Variants in ROBO2 observed in about 807,000 individuals in gnomAD.
ROBO2 encodes the protein roundabout guidance receptor 2.
A neutral mutation model predicts 160.8 loss-of-function variants in ROBO2; 53 were observed. That is an observed-to-expected ratio of 0.33 (90% CI 0.26 to 0.41). ROBO2 has a LOEUF of 0.41. Ranked by LOEUF, ROBO2 falls within the 10% of genes least tolerant of loss-of-function variation. The pLI is 1.00. For synonymous variants in ROBO2, 664 were observed against 611.7 expected, an observed-to-expected ratio of 1.09 and a Z score of -1.26; for missense variants, 1,577 against 1,722.4, an observed-to-expected ratio of 0.92 and a Z score of 1.49.
chr3:77,509,670 G>A (rs535492144), intron 5 of ROBO2, among the ~76,000 whole-genome samples: 16 of 152,028 alleles, frequency 1.1e-4, no homozygotes, highest in Non-Finnish European at 2.2e-4. Flanking sequence ...TGTCCCCAGT[G>A]TCTCCATTGT....
intron 2 of ROBO2, among the ~76,000 whole-genome samples, chr3:76,555,418 A>AAGAGG (rs879848225): frequency 2.5e-5 from 2 of 80,098 alleles, no homozygotes; most frequent in Non-Finnish European, 5.6e-5. Flanking sequence ...GAAGAAGAAG[A>AAGAGG]AAGAAGGAGA....
chr3:77,498,095 A>T (rs2087043214), intron 5 of ROBO2, among the ~76,000 whole-genome samples: 3 of 152,164 alleles, frequency 2.0e-5, no homozygotes, highest in Admixed American at 6.6e-5. Flanking sequence ...TTTCATTATT[A>T]GCAGTCTTTA....
At chr3:77,492,409 G>A (rs552234841) in intron 4 of ROBO2, among the ~76,000 whole-genome samples, 3 of 152,164 alleles carry the variant, frequency 2.0e-5, no homozygotes, top group South Asian at 2.1e-4. Flanking sequence ...GATTTTTATG[G>A]ATACAGACTT....
At chr3:76,183,057 AT>A (rs1367685696) in intron 2 of ROBO2, among the ~76,000 whole-genome samples, 2 of 152,248 alleles carry the variant, frequency 1.3e-5, no homozygotes, top group East Asian at 3.9e-4. Flanking sequence ...GCTTGATGGA[AT>A]TTAGCTGGCG....
At chr3:77,004,005 G>A (rs927380120) in intron 2 of ROBO2, among the ~76,000 whole-genome samples, 1 of 152,064 alleles carries the variant, frequency 6.6e-6, no homozygotes, top group South Asian at 2.1e-4. Flanking sequence ...CTTAAAACAT[G>A]TTTTTATACA....
At chr3:76,342,313 C>G (rs1576547654) in intron 2 of ROBO2, among the ~76,000 whole-genome samples, 2 of 152,216 alleles carry the variant, frequency 1.3e-5, no homozygotes, top group Non-Finnish European at 2.9e-5. Context: ...ACACGTGACT[C>G]TCAGGTGAGA....
chr3:76,067,562 G>GA (rs1282880259), intron 2 of ROBO2, among the ~76,000 whole-genome samples: 1 of 151,958 alleles, frequency 6.6e-6, no homozygotes, highest in Admixed American at 6.6e-5. Context: ...CAATTAAGTA[G>GA]AAAAGGAATC....
chr3:76,477,955 T>C (rs888674482), intron 2 of ROBO2, among the ~76,000 whole-genome samples: 4 of 152,046 alleles, frequency 2.6e-5, no homozygotes, highest in African/African-American at 9.7e-5. Context: ...CATTTCTCCA[T>C]TCAAAAAACT....
At chr3:76,427,660 T>A (rs1223575095) in intron 2 of ROBO2, among the ~76,000 whole-genome samples, 1 of 152,210 alleles carries the variant, frequency 6.6e-6, no homozygotes, top group African/African-American at 2.4e-5. Flanking sequence ...CAACTGATAG[T>A]TATTATTAAA....
At chr3:77,477,454 A>G (rs779401072) in exon 3 of ROBO2, 2 of 1,613,898 alleles carry the variant, frequency 1.2e-6, no homozygotes, top group Admixed American at 1.7e-5. Context: ...CAGATGTTGT[A>G]GTGGCAGCTG....
intron 2 of ROBO2, among the ~76,000 whole-genome samples, chr3:76,385,823 T>TG (rs2108596724): frequency 6.6e-6 from 1 of 152,246 alleles, no homozygotes; most frequent in African/African-American, 2.4e-5. Flanking sequence ...TTTAGTTCAT[T>TG]AACATATTTA....
At chr3:75,988,967 T>A (rs1049828811) in intron 2 of ROBO2, among the ~76,000 whole-genome samples, 3 of 152,216 alleles carry the variant, frequency 2.0e-5, no homozygotes, top group Non-Finnish European at 4.4e-5. Flanking sequence ...TTGAATTTTT[T>A]ATAAATCAAA....
At chr3:76,713,036 G>T (rs916839103) in intron 2 of ROBO2, among the ~76,000 whole-genome samples, 2 of 152,232 alleles carry the variant, frequency 1.3e-5, no homozygotes, top group Middle Eastern at 3.4e-3. Flanking sequence ...GTGCCATAAA[G>T]GCACTCAATA....
At chr3:76,929,819 T>C (rs2077224066) in intron 2 of ROBO2, among the ~76,000 whole-genome samples, 1 of 141,606 alleles carries the variant, frequency 7.1e-6, no homozygotes, top group Admixed American at 7.0e-5. Flanking sequence ...GACTCCAATG[T>C]CTGTGAATCT....
In ROBO2 at chr3:76,665,378, AT is replaced by A. The variant is rs369966952; in HGVS notation, c.110-432635del. On this transcript the variant is annotated intron_variant, in intron 2 of 26. Transcript: ENST00000487694. ...TAAGTTAAATAACTTGCCCAAGTTT[AT>A]ATGGCCAGAAATTGAGTTAATATAT... is the stretch of plus-strand genomic sequence containing the variant. Among the ~76,000 whole-genome samples the A allele has an allele frequency of 6.3e-4, 96 of 152,270 alleles. No individual in the cohort carries two copies. The South Asian group carries it at 9.1e-3, about 14-fold the overall frequency.
intron 2 of ROBO2, among the ~76,000 whole-genome samples, chr3:76,586,911 G>A (rs1023730666): frequency 6.6e-6 from 1 of 152,236 alleles, no homozygotes; most frequent in African/African-American, 2.4e-5. Flanking sequence ...CTCAGAAGCT[G>A]ATGCTCAGAT....
chr3:77,634,765 A>G, intron 23 of ROBO2, 105 bp from the exon 25 acceptor site: 1 of 1,057,166 alleles, frequency 9.5e-7, no homozygotes, highest in Non-Finnish European at 1.5e-6. Flanking sequence ...TTCATATGTT[A>G]TCTCTAGGTA....
At position 77,280,373 on chromosome 3, in the gene ROBO2, T is replaced by C. The variant is rs77781880; in HGVS notation, c.388+182033T>C. Among the ~76,000 whole-genome samples the C allele has an allele frequency of 1.1e-4, 17 of 152,302 alleles. No individual in the cohort carries two copies. In the East Asian group the frequency reaches 3.3e-3, roughly 29 times the overall value. On this transcript the variant is annotated intron_variant, in intron 2 of 25. Coordinates refer to ENST00000461745, the Ensembl canonical transcript of ROBO2. ...ATAGCTAATTTAAATCTAGGGTTGA[T>C]AAATATGTGAATTCTTTGCCTTTCT...
At chr3:76,435,329 A>T in intron 2 of ROBO2, 1 of 835,166 alleles carries the variant, frequency 1.2e-6, no homozygotes, top group Non-Finnish European at 2.1e-6. Flanking sequence ...TCATTCCTAC[A>T]GAAGGCGGTG....
Sources: gnomAD v4.1 joint callset for allele counts (sites outside exome capture counted in the v4.1 genomes callset) on GRCh38, gnomAD v4.1.1 for gene constraint, MANE v1.5 for transcripts, NCBI Gene and HGNC (gene_info 2026-07-23, HGNC 2026-07-21) for gene names.